The following TBC1D19 variants were observed in gnomAD, a reference collection of about 807,000 sequenced individuals.
The protein encoded by TBC1D19 is TBC1 domain family member 19, also known as TBC1 domain family, member 19.
A neutral mutation model predicts 89.0 loss-of-function variants in TBC1D19; 60 were observed. The observed-to-expected ratio is 0.67, with a 90% confidence interval of 0.55 to 0.84. The LOEUF (loss-of-function observed/expected upper bound fraction) is 0.84, where lower values mean the gene tolerates loss of function less well. TBC1D19 is among the 40% of genes least tolerant of loss of function. TBC1D19 has a pLI of 0.00. For missense variants in TBC1D19, 500 were observed against 610.8 expected (o/e 0.82, Z 1.91); for synonymous variants, 189 against 199.7 (o/e 0.95, Z 0.45).
intron 7 of TBC1D19, among the ~76,000 whole-genome samples, chr4:26,657,238 C>T (rs1402994263): frequency 4.6e-5 from 7 of 151,824 alleles, no homozygotes; most frequent in East Asian, 1.9e-4. Flanking sequence ...CTCCCCTTGC[C>T]TCTGACCCCC....
intron 7 of TBC1D19, among the ~76,000 whole-genome samples, chr4:26,642,465 C>CT (rs1743612809): frequency 6.6e-6 from 1 of 152,206 alleles, no homozygotes; most frequent in African/African-American, 2.4e-5. Flanking sequence ...GTACCAGCCA[C>CT]TGCAAAAACA....
intron 7 of TBC1D19, 45 bp from the exon 8 acceptor site, chr4:26,659,552 A>G: frequency 7.7e-7 from 1 of 1,303,822 alleles, no homozygotes. Flanking sequence ...AAGTGTAAAC[A>G]TCCTGGAAAG....
chr4:26,712,270 T>A (rs888108462), intron 13 of TBC1D19, among the ~76,000 whole-genome samples: 6 of 152,082 alleles, frequency 3.9e-5, no homozygotes, highest in African/African-American at 1.4e-4. Flanking sequence ...ATTGGTTTCA[T>A]TGGGCTTGAA....
At chr4:26,775,381 G>A in the TBC1D19 span, among the ~76,000 whole-genome samples, 308 of 152,316 alleles carry the variant, frequency 2.0e-3, no homozygotes, top group African/African-American at 7.0e-3. Context: ...TTGAGTCCAG[G>A]AAGTGGAGAC....
chr4:26,813,963 C>A, the TBC1D19 span, among the ~76,000 whole-genome samples: 2 of 152,178 alleles, frequency 1.3e-5, no homozygotes, highest in Non-Finnish European at 2.9e-5. Context: ...TGCCAAGCAG[C>A]CCGACTTCAC....
chr4:26,698,651 C>G (rs1003323601), intron 13 of TBC1D19, among the ~76,000 whole-genome samples: 48 of 152,064 alleles, frequency 3.2e-4, no homozygotes, highest in Admixed American at 5.2e-4. Flanking sequence ...CATGGTACTG[C>G]TACCAAAACA....
intron 2 of TBC1D19, among the ~76,000 whole-genome samples, chr4:26,614,005 A>G (rs1741528676): frequency 6.6e-6 from 1 of 152,150 alleles, no homozygotes; most frequent in Non-Finnish European, 1.5e-5. Context: ...TGACGTGTGA[A>G]TTATAACTAG....
chr4:26,781,435 G>A, the TBC1D19 span, among the ~76,000 whole-genome samples: 4 of 152,094 alleles, frequency 2.6e-5, no homozygotes, highest in South Asian at 2.1e-4. Flanking sequence ...CTGGGAGGTC[G>A]TGTGTGTCTG....
intron 12 of TBC1D19, 82 bp downstream of exon 12, chr4:26,683,831 T>C (rs1034857089): frequency 1.1e-5 from 12 of 1,106,204 alleles, no homozygotes; most frequent in African/African-American, 1.6e-5. Context: ...GCCTGTGCTA[T>C]GTATGATATA....
At chr4:26,778,385 C>T in the TBC1D19 span, among the ~76,000 whole-genome samples, 6 of 146,408 alleles carry the variant, frequency 4.1e-5, no homozygotes, top group South Asian at 2.2e-4. Context: ...CACTGCACTC[C>T]AGCCTGGACA....
the TBC1D19 span, among the ~76,000 whole-genome samples, chr4:26,843,996 C>T: frequency 2.7e-4 from 41 of 152,266 alleles, 1 homozygote; most frequent in Admixed American, 2.2e-3. Context: ...CCCGGCCCCA[C>T]GATCCAAACA....
At chr4:26,640,226 G>A (rs1336648093) in intron 7 of TBC1D19, 39 bp downstream of exon 7, 7 of 1,424,090 alleles carry the variant, frequency 4.9e-6, no homozygotes, top group Non-Finnish European at 5.9e-6. Context: ...ATTAATGAAT[G>A]AATAATGTGA....
chr4:26,844,026 C>G, the TBC1D19 span, among the ~76,000 whole-genome samples: 1 of 152,198 alleles, frequency 6.6e-6, no homozygotes, highest in Non-Finnish European at 1.5e-5. Flanking sequence ...ATGTCCACCT[C>G]CAACACTGGG....
the TBC1D19 span, among the ~76,000 whole-genome samples, chr4:26,808,311 T>A: frequency 2.6e-5 from 4 of 152,208 alleles, no homozygotes; most frequent in Non-Finnish European, 4.4e-5. Context: ...ATCTAATGAT[T>A]CTAGTTCTGT....
At chr4:26,585,586 A>G (rs953754500) in intron 1 of TBC1D19, among the ~76,000 whole-genome samples, 1 of 151,424 alleles carries the variant, frequency 6.6e-6, no homozygotes, top group East Asian at 1.9e-4. Context: ...CAGTCTGTGG[A>G]TTATCTTTTT....
rs548975556 is a variant in TBC1D19, at chr4:26,655,255, G to A, written c.481-4342G>A. Among the ~76,000 whole-genome samples, 580 of 152,252 alleles carry A rather than the reference G, an allele frequency of 3.8e-3. 7 individuals are homozygous for A. Among genetic ancestry groups the A allele is most frequent in the African/African-American group, 0.014 (565 of 41,554 alleles). On this transcript the variant is annotated intron_variant, in intron 7 of 20. Coordinates refer to ENST00000264866, the MANE Select transcript of TBC1D19 (RefSeq NM_018317.4). The stretch of plus-strand genomic sequence containing the variant: ...GAAGTTTTGTCTCAGAGGAGTACCC[G>A]GCCATGTGAGGTGTCAGTCTGCCCC...
chr4:26,642,787 T>G (rs1743637230), intron 7 of TBC1D19, among the ~76,000 whole-genome samples: 1 of 151,148 alleles, frequency 6.6e-6, no homozygotes, highest in South Asian at 2.1e-4. Flanking sequence ...AATCCTAGTC[T>G]CTGATAAAAC....
chr4:26,592,957 A>C (rs537778201), intron 1 of TBC1D19, among the ~76,000 whole-genome samples: 194 of 151,980 alleles, frequency 1.3e-3, no homozygotes, highest in African/African-American at 4.2e-3. Context: ...CAAGCTACCA[A>C]TGACTTTCTT....
chr4:26,693,710 A>G (rs1353354676), intron 13 of TBC1D19, among the ~76,000 whole-genome samples: 3 of 151,992 alleles, frequency 2.0e-5, no homozygotes, highest in African/African-American at 7.3e-5. Context: ...AAAAAAAGGT[A>G]AAGTAAGGTG....
Sources: gnomAD v4.1 joint callset for allele counts (sites outside exome capture counted in the v4.1 genomes callset) on GRCh38, gnomAD v4.1.1 for gene constraint, MANE v1.5 for transcripts, NCBI Gene and HGNC (gene_info 2026-07-23, HGNC 2026-07-21) for gene names.